The following PGAM5 variants were observed in gnomAD, a reference collection of about 807,000 sequenced individuals.
The protein encoded by PGAM5 is PGAM family member 5, mitochondrial serine/threonine protein phosphatase, also known as serine/threonine-protein phosphatase PGAM5, mitochondrial.
Under a neutral mutation model 30.6 loss-of-function variants are expected in PGAM5, and 25 were observed. The ratio of observed to expected loss-of-function variants is 0.82; its 90% CI spans 0.60 to 1.14. The LOEUF (loss-of-function observed/expected upper bound fraction) is 1.14, where lower values mean the gene tolerates loss of function less well. Among genes scored for constraint, PGAM5 ranks in the 50% most tolerant of loss-of-function variants. The probability of loss-of-function intolerance (pLI) is 0.00; values close to 1 mark genes in which losing one functional copy is unlikely to be tolerated. For synonymous variants in PGAM5, 201 were observed against 179.1 expected, an observed-to-expected ratio of 1.12 and a Z score of -0.98; for missense variants, 384 against 408.5, an observed-to-expected ratio of 0.94 and a Z score of 0.52.
intron 5 of PGAM5, chr12:132,718,808 T>C: frequency 1.9e-6 from 3 of 1,613,574 alleles, no homozygotes; most frequent in Admixed American, 1.7e-5. Context: ...TCTGGGGTCC[T>C]GACCTCTTTC....
In PGAM5 at chr12:132,717,775, T is replaced by C; in HGVS notation, c.562T>C (p.Ser188Pro). The C allele has an allele frequency of 1.3e-6, 2 of 1,588,542 alleles. No individual in the cohort carries two copies. Among genetic ancestry groups the C allele is most frequent in the South Asian group, 1.1e-5 (1 of 88,244 alleles). ...GAPIEPDPPV[S>P]HWKPEAVQYY... is the part of the protein sequence containing the mutation. ...CCCCATCGAGCCAGACCCGCCCGTG[T>C]CTCATTGGAAGCCGGAAGCTGTGGT... Residue 188 changes from serine to proline, a missense_variant, in exon 4 of 6, where the codon TCT becomes CCT. Coordinates refer to ENST00000498926, the MANE Select transcript of PGAM5 (RefSeq NM_001170543.2).
rs1386782808 is a variant in PGAM5, at chr12:132,721,239, A to G, written c.*411A>G. The G allele has an allele frequency of 2.5e-5, 4 of 159,344 alleles. No individual in the cohort carries two copies. Among genetic ancestry groups the G allele is most frequent in the Non-Finnish European group, 5.5e-5 (4 of 73,034 alleles). The allele number at this position is 159,344 out of a possible 1,614,324, so 9.9% of individuals were successfully genotyped here. A position where few individuals can be genotyped will look rare whatever the true frequency, so the allele number is the denominator to read the frequency against. On this transcript the variant is annotated 3_prime_UTR_variant, in exon 6 of 6. Transcript: ENST00000498926. ...CCAGGTTCTGTTCACAACTCACTTC[A>G]CTTCATACATCCTTTTAATTTCTTA...
At chr12:132,718,691 GT>G in intron 5 of PGAM5, 1 of 1,540,408 alleles carries the variant, frequency 6.5e-7, no homozygotes, top group Admixed American at 1.7e-5. Context: ...TTTTCCCTTT[GT>G]AATTGAACGT....
In PGAM5 at chr12:132,710,870, A is replaced by C; in HGVS notation, c.-7A>C. 8.9e-7 allele frequency: 1 copy of C among 1,127,948 alleles called. No individual in the cohort carries two copies. Among genetic ancestry groups the C allele is most frequent in the Non-Finnish European group, 1.1e-6 (1 of 922,688 alleles). The allele number at this position is 1,127,948 out of a possible 1,614,324, so 69.9% of individuals were successfully genotyped here. ...CGCCTGCGCGGGCCGGCGCGGGAGC[A>C]AGCGGCATGGCGTTCCGGCAGGCGC... On this transcript the variant is annotated 5_prime_UTR_variant, in exon 1 of 6. Coordinates refer to ENST00000498926, the MANE Select transcript of PGAM5 (RefSeq NM_001170543.2).
rs1385216421 is a variant in PGAM5, at chr12:132,721,445, C to T, written c.*617C>T. The stretch of plus-strand genomic sequence containing the variant: ...CCCTGTCTCTACTAAAAATACAGAA[C>T]TTAGCTGGGTGTGTCGTGGGCATCT... On this transcript the variant is annotated 3_prime_UTR_variant, in exon 6 of 6. Coordinates refer to ENST00000498926, the MANE Select transcript of PGAM5 (RefSeq NM_001170543.2). The T allele has an allele frequency of 6.6e-6, 1 of 152,184 alleles. No individual in the cohort carries two copies. Among genetic ancestry groups the T allele is most frequent in the African/African-American group, 2.4e-5 (1 of 41,438 alleles). The allele number at this position is 152,184 out of a possible 1,614,324, so 9.4% of individuals were successfully genotyped here.
chr12:132,717,485 G>T lies in PGAM5; in HGVS notation c.417G>T (p.Gly139=), dbSNP rs1345217018. ...CTGGGCTCCGCCTGGCAAGCTTGGG[G>T]TTGAAGTTTAATAAAATCGTCCATT... The part of the protein sequence containing the change: ...ELTGLRLASL[G]LKFNKIVHSS... Residue 139 remains glycine, a synonymous_variant, in exon 3 of 6, where the codon GGG becomes GGT. Transcript: ENST00000498926. 1.2e-6 allele frequency: 2 copies of T among 1,610,390 alleles called. No homozygotes were observed. The highest frequency in any genetic ancestry group is 1.7e-6 in the Non-Finnish European group (2 of 1,179,930).
intron 2 of PGAM5, among the ~76,000 whole-genome samples, chr12:132,715,834 G>A (rs2043571532): frequency 6.6e-6 from 1 of 151,710 alleles, no homozygotes; most frequent in South Asian, 2.1e-4. Flanking sequence ...AGCCAAGATT[G>A]CACCACTGCA....
At chr12:132,717,257 C>A (rs56741533) in intron 2 of PGAM5, among the ~76,000 whole-genome samples, 182 bp from the exon 3 acceptor site, 7,416 of 142,828 alleles carry the variant, frequency 0.052, 421 homozygotes, top group African/African-American at 0.15. Context: ...GAGCCATCGG[C>A]TGAGCTTGCT....
chr12:132,721,431 C>T lies in PGAM5; in HGVS notation c.*603C>T, dbSNP rs1426800982. ...GCAACATAGCGAGACCCTGTCTCTA[C>T]TAAAAATACAGAACTTAGCTGGGTG... On this transcript the variant is annotated 3_prime_UTR_variant, in exon 6 of 6. Transcript: ENST00000498926. 6.6e-6 allele frequency: 1 copy of T among 152,214 alleles called. No homozygotes were observed. Among genetic ancestry groups the T allele is most frequent in the Non-Finnish European group, 1.5e-5 (1 of 68,082 alleles). The allele number at this position is 152,214 out of a possible 1,614,324, so 9.4% of individuals were successfully genotyped here. A position where few individuals can be genotyped will look rare whatever the true frequency, so the allele number is the denominator to read the frequency against.
intron 5 of PGAM5, among the ~76,000 whole-genome samples, 196 bp from the exon 6 acceptor site, chr12:132,720,482 T>C (rs1033031493): frequency 9.2e-5 from 14 of 152,152 alleles, no homozygotes; most frequent in Admixed American, 1.3e-4. Flanking sequence ...TAATTTTTTG[T>C]ATTTTTAGTA....
At chr12:132,718,741 C>T (rs761181539) in intron 5 of PGAM5, 1 of 1,613,068 alleles carries the variant, frequency 6.2e-7, no homozygotes, top group East Asian at 2.2e-5. Context: ...CCTTCTGCCT[C>T]CGGCTGGATC....
Position 132,720,585 on chromosome 12 carries a change from T to C in PGAM5, c.720-93T>C, listed in dbSNP as rs113852527. ...CCTCCCAAAGTGCTGGGATTACAGG[T>C]GTGAGCCACCATGCCCGGCCTAGCT... On this transcript the variant is annotated intron_variant, in intron 5 of 5. Transcript: ENST00000498926. 9,814 of 1,338,364 alleles carry C rather than the reference T, an allele frequency of 7.3e-3. 484 individuals are homozygous for C. In the African/African-American group the frequency reaches 0.11, roughly 16 times the overall value. 82.9% of individuals were successfully genotyped at this position (1,338,364 alleles called of 1,614,324 possible).
At chr12:132,719,494 T>C (rs542193622) in intron 5 of PGAM5, among the ~76,000 whole-genome samples, 89 of 152,334 alleles carry the variant, frequency 5.8e-4, no homozygotes, top group Non-Finnish European at 9.8e-4. Flanking sequence ...AGTGAGTACC[T>C]GTTTGCTGTG....
At chr12:132,720,583 G>A (rs2043634185) in intron 5 of PGAM5, 95 bp from the exon 6 acceptor site, 2 of 1,329,934 alleles carry the variant, frequency 1.5e-6, no homozygotes, top group Non-Finnish European at 2.0e-6. Flanking sequence ...TGGGATTACA[G>A]GTGTGAGCCA....
intron 1 of PGAM5, among the ~76,000 whole-genome samples, chr12:132,712,404 C>T (rs1316247186): frequency 6.6e-6 from 1 of 152,152 alleles, no homozygotes; most frequent in African/African-American, 2.4e-5. Flanking sequence ...ATTGAGACTT[C>T]TCTGAAGGTT....
chr12:132,716,860 A>C (rs1026351982), intron 2 of PGAM5, among the ~76,000 whole-genome samples: 1 of 152,166 alleles, frequency 6.6e-6, no homozygotes. Flanking sequence ...GCTTGTGCAC[A>C]AAGAAAGTGG....
At chr12:132,717,249 G>GCCAT (rs1379688003) in intron 2 of PGAM5, among the ~76,000 whole-genome samples, 190 bp from the exon 3 acceptor site, 1 of 151,190 alleles carries the variant, frequency 6.6e-6, no homozygotes, top group Non-Finnish European at 1.5e-5. Flanking sequence ...GCGGGCAGGA[G>GCCAT]CCATCGGCTG....
chr12:132,711,324 C>A, intron 1 of PGAM5: 1 of 262,346 alleles, frequency 3.8e-6, no homozygotes. Context: ...GCGAGTCCGC[C>A]CTGGGTGCCA....
At position 132,712,202 on chromosome 12, in the gene PGAM5, A is replaced by C. The variant is rs866255451; in HGVS notation, c.191+1135A>C. 2.0e-5 allele frequency among the ~76,000 whole-genome samples: 3 copies of C among 152,236 alleles called. No homozygotes were observed. The South Asian group carries it at 6.2e-4, about 32-fold the overall frequency. ...TTATTATATTAGTTTATAATACATT[A>C]CTGTTAACTAAGGTTCATGTTTCAT... On this transcript the variant is annotated intron_variant, in intron 1 of 5. Coordinates refer to ENST00000498926, the MANE Select transcript of PGAM5 (RefSeq NM_001170543.2).
Sources: allele counts gnomAD v4.1 joint callset (sites outside exome capture counted in the v4.1 genomes callset), GRCh38; gene constraint gnomAD v4.1.1; transcripts MANE v1.5; gene names NCBI Gene and HGNC (gene_info 2026-07-23, HGNC 2026-07-21).